RBFOX1: variants seen among roughly 807,000 people sequenced by gnomAD.
RBFOX1 encodes the protein RNA binding protein fox-1 homolog 1.
A neutral mutation model predicts 57.7 loss-of-function variants in RBFOX1; 8 were observed. That is an observed-to-expected ratio of 0.14 (90% CI 0.08 to 0.25). RBFOX1 has a LOEUF of 0.25. RBFOX1 is among the 10% of genes least tolerant of loss of function. The probability of loss-of-function intolerance (pLI) is 1.00; values close to 1 mark genes in which losing one functional copy is unlikely to be tolerated. For missense variants in RBFOX1, 611 were observed against 548.5 expected (o/e 1.11, Z -1.14); for synonymous variants, 326 against 222.4 (o/e 1.47, Z -4.15).
intron 2 of RBFOX1, among the ~76,000 whole-genome samples, chr16:6,629,234 C>A (rs1192828828): frequency 2.0e-5 from 3 of 152,100 alleles, no homozygotes; most frequent in Non-Finnish European, 2.9e-5. Flanking sequence ...CAATTACAGG[C>A]CTAGGGAAAA....
intron 4 of RBFOX1, among the ~76,000 whole-genome samples, chr16:7,484,385 T>A (rs2064829619): frequency 6.6e-6 from 1 of 152,220 alleles, no homozygotes; most frequent in Admixed American, 6.5e-5. Flanking sequence ...AAGTTCAGAT[T>A]TAACATTCTA....
intron 4 of RBFOX1, among the ~76,000 whole-genome samples, chr16:5,908,637 T>C (rs148840270): frequency 6.6e-6 from 1 of 152,102 alleles, no homozygotes; most frequent in Non-Finnish European, 1.5e-5. Flanking sequence ...TATTATTAAT[T>C]ACTATATGAT....
intron 3 of RBFOX1, among the ~76,000 whole-genome samples, chr16:6,684,105 T>C (rs112669366): frequency 5.9e-5 from 9 of 152,302 alleles, no homozygotes; most frequent in African/African-American, 1.9e-4. Context: ...GCAGAGAAAA[T>C]AGCAGAATTT....
At chr16:5,893,509 T>A (rs1257800895) in intron 4 of RBFOX1, among the ~76,000 whole-genome samples, 1 of 152,170 alleles carries the variant, frequency 6.6e-6, no homozygotes, top group African/African-American at 2.4e-5. Context: ...CATACCTGTG[T>A]CCATCTGTTT....
At chr16:6,095,616 C>A (rs2096235671) in intron 1 of RBFOX1, among the ~76,000 whole-genome samples, 1 of 152,132 alleles carries the variant, frequency 6.6e-6, no homozygotes, top group Non-Finnish European at 1.5e-5. Context: ...AAAGCCTCTG[C>A]CTGTGCAAAG....
intron 4 of RBFOX1, among the ~76,000 whole-genome samples, chr16:7,394,235 C>CAAAAAAAAAAAAAAAAAA (rs59934126): frequency 5.5e-5 from 3 of 55,022 alleles, no homozygotes; most frequent in African/African-American, 1.7e-4. Flanking sequence ...GACTCCGCAT[C>CAAAAAAAAAAAAAAAAAA]AAAAAAAAAA....
chr16:6,826,713 TTA>T (rs2092193551), intron 3 of RBFOX1, among the ~76,000 whole-genome samples: 1 of 152,146 alleles, frequency 6.6e-6, no homozygotes, highest in Non-Finnish European at 1.5e-5. Flanking sequence ...ACCAGGTGAT[TTA>T]TTTTTCTCAC....
chr16:6,981,595 C>G (rs1382243073), intron 3 of RBFOX1, among the ~76,000 whole-genome samples: 1 of 152,128 alleles, frequency 6.6e-6, no homozygotes, highest in Non-Finnish European at 1.5e-5. Flanking sequence ...GGGGAGGCCT[C>G]ACAGTCATGA....
chr16:5,548,520 G>C (rs894795808), intron 2 of RBFOX1, among the ~76,000 whole-genome samples: 3 of 152,016 alleles, frequency 2.0e-5, no homozygotes, highest in Admixed American at 6.6e-5. Context: ...TGGATGGTTT[G>C]TAACTCAGAG....
intron 3 of RBFOX1, among the ~76,000 whole-genome samples, chr16:6,745,987 A>G (rs1376445985): frequency 1.3e-5 from 2 of 152,236 alleles, no homozygotes; most frequent in African/African-American, 2.4e-5. Flanking sequence ...ATATTACACA[A>G]ATTGGAAATT....
At chr16:7,445,660 A>G (rs575236050) in intron 4 of RBFOX1, among the ~76,000 whole-genome samples, 22 of 152,058 alleles carry the variant, frequency 1.4e-4, no homozygotes, top group Non-Finnish European at 2.8e-4. Flanking sequence ...AATTCAAAAT[A>G]CAAGATCTAC....
intron 3 of RBFOX1, among the ~76,000 whole-genome samples, chr16:6,843,006 C>T (rs1011707693): frequency 1.3e-5 from 2 of 152,044 alleles, no homozygotes; most frequent in Non-Finnish European, 2.9e-5. Flanking sequence ...TGATCTCATT[C>T]TTTTTTATGG....
At chr16:6,293,174 A>G (rs1453377576) in intron 1 of RBFOX1, among the ~76,000 whole-genome samples, 1 of 152,150 alleles carries the variant, frequency 6.6e-6, no homozygotes, top group Non-Finnish European at 1.5e-5. Context: ...TAAGTGGGTA[A>G]TATTGTCATT....
intron 2 of RBFOX1, among the ~76,000 whole-genome samples, chr16:5,546,266 C>T (rs985236657): frequency 1.3e-5 from 2 of 152,122 alleles, no homozygotes; most frequent in East Asian, 3.9e-4. Context: ...AGAGTCAATG[C>T]AGTCCAAACC....
intron 4 of RBFOX1, among the ~76,000 whole-genome samples, chr16:7,362,865 G>T (rs1309766009): frequency 1.3e-5 from 2 of 152,206 alleles, no homozygotes; most frequent in African/African-American, 2.4e-5. Context: ...TAATGTACCA[G>T]TTAAGAGTCC....
intron 4 of RBFOX1, among the ~76,000 whole-genome samples, chr16:7,268,951 C>T (rs1030710018): frequency 2.7e-5 from 4 of 148,174 alleles, no homozygotes; most frequent in Non-Finnish European, 4.4e-5. Flanking sequence ...GCAGGAGAAC[C>T]GCTTGAACCC....
chr16:6,830,714 C>A (rs922990521), intron 3 of RBFOX1, among the ~76,000 whole-genome samples: 2 of 152,280 alleles, frequency 1.3e-5, no homozygotes, highest in Middle Eastern at 6.8e-3. Context: ...GTTGCTCTAT[C>A]ATGGTTAAAA....
intron 2 of RBFOX1, among the ~76,000 whole-genome samples, chr16:6,561,935 C>T (rs1361504401): frequency 2.0e-5 from 3 of 152,152 alleles, no homozygotes; most frequent in African/African-American, 7.2e-5. Flanking sequence ...CTAGGTAAGT[C>T]AAGCTAAAGC....
chr16:5,719,876 T>C (rs2051862115), intron 3 of RBFOX1, among the ~76,000 whole-genome samples: 1 of 152,194 alleles, frequency 6.6e-6, no homozygotes, highest in Admixed American at 6.5e-5. Context: ...TGTGAACACG[T>C]TTTTATGTGG....
Sources: gnomAD v4.1 joint callset for allele counts (sites outside exome capture counted in the v4.1 genomes callset) on GRCh38, gnomAD v4.1.1 for gene constraint, MANE v1.5 for transcripts, NCBI Gene and HGNC (gene_info 2026-07-23, HGNC 2026-07-21) for gene names.